Variants in IQCK observed in about 807,000 individuals in gnomAD.
IQCK encodes IQ motif containing K.
Under a neutral mutation model 28.1 loss-of-function variants are expected in IQCK, and 29 were observed. That is an observed-to-expected ratio of 1.03 (90% CI 0.77 to 1.41). The LOEUF is 1.41. IQCK is among the 40% of genes most tolerant of loss of function. IQCK has a pLI of 0.00. For missense variants in IQCK, 359 were observed against 314.7 expected (o/e 1.14, Z -1.07); for synonymous variants, 113 against 115.1 (o/e 0.98, Z 0.12).
At chr16:19,726,840 G>T (rs1977670582) in intron 1 of IQCK, among the ~76,000 whole-genome samples, 1 of 152,098 alleles carries the variant, frequency 6.6e-6, no homozygotes, top group Admixed American at 6.6e-5. Context: ...TATTAGAAAA[G>T]ATAGTCATTA....
intron 6 of IQCK, among the ~76,000 whole-genome samples, chr16:19,783,413 A>G (rs1262831287): frequency 1.3e-5 from 2 of 152,180 alleles, no homozygotes; most frequent in East Asian, 1.9e-4. Context: ...CAGCAGTGCT[A>G]TCGTGCCCGT....
chr16:19,721,460 C>T (rs920794092), intron 1 of IQCK, among the ~76,000 whole-genome samples: 1 of 152,180 alleles, frequency 6.6e-6, no homozygotes, highest in Non-Finnish European at 1.5e-5. Context: ...TTCTAAAAAG[C>T]ACTCGTGTTA....
intron 2 of IQCK, 69 bp downstream of exon 2, chr16:19,730,563 A>C: frequency 8.0e-7 from 1 of 1,252,276 alleles, no homozygotes; most frequent in Non-Finnish European, 1.1e-6. Flanking sequence ...TGGCCTGTGA[A>C]TGTCACACAG....
At chr16:19,819,332 A>C (rs967825387) in intron 7 of IQCK, among the ~76,000 whole-genome samples, 4 of 152,064 alleles carry the variant, frequency 2.6e-5, no homozygotes, top group Non-Finnish European at 5.9e-5. Flanking sequence ...GTCTCTACTA[A>C]AAATACAAAA....
intron 4 of IQCK, among the ~76,000 whole-genome samples, chr16:19,748,072 CTTT>C (rs61573221): frequency 6.0e-5 from 7 of 117,188 alleles, no homozygotes. Context: ...GGCTCAAATT[CTTT>C]TTTTTTTTTT....
chr16:19,746,222 G>A (rs538543397), intron 4 of IQCK, among the ~76,000 whole-genome samples: 23 of 149,468 alleles, frequency 1.5e-4, no homozygotes, highest in African/African-American at 3.5e-4. Context: ...TTGTGGGTAC[G>A]TCGTAGATAT....
At chr16:19,754,937 C>T (rs1346814099) in intron 4 of IQCK, among the ~76,000 whole-genome samples, 1 of 152,160 alleles carries the variant, frequency 6.6e-6, no homozygotes, top group Non-Finnish European at 1.5e-5. Context: ...GTGGCCTGGG[C>T]TGGAGGTCTT....
At chr16:19,811,136 C>G (rs2055900418) in intron 7 of IQCK, among the ~76,000 whole-genome samples, 1 of 152,058 alleles carries the variant, frequency 6.6e-6, no homozygotes, top group South Asian at 2.1e-4. Context: ...ATATAAAAAT[C>G]AGCCAGGTGT....
At chr16:19,826,252 C>T (rs1194360602) in intron 7 of IQCK, among the ~76,000 whole-genome samples, 1 of 152,204 alleles carries the variant, frequency 6.6e-6, no homozygotes, top group Non-Finnish European at 1.5e-5. Context: ...GAGCAATCCT[C>T]CTGCCTTGGC....
At chr16:19,846,209 A>G (rs2056413941) in intron 9 of IQCK, among the ~76,000 whole-genome samples, 1 of 152,186 alleles carries the variant, frequency 6.6e-6, no homozygotes, top group Non-Finnish European at 1.5e-5. Flanking sequence ...TGAGGCTTCC[A>G]AGATGTTGAG....
intron 1 of IQCK, among the ~76,000 whole-genome samples, chr16:19,727,201 ACT>A (rs1421375711): frequency 6.6e-6 from 1 of 152,010 alleles, no homozygotes; most frequent in Non-Finnish European, 1.5e-5. Context: ...TAAGGCAAAA[ACT>A]AATATGAGTT....
intron 9 of IQCK, among the ~76,000 whole-genome samples, chr16:19,838,297 G>A (rs1244361028): frequency 3.3e-5 from 5 of 152,194 alleles, no homozygotes; most frequent in Non-Finnish European, 1.5e-5. Context: ...AAATCCGGAA[G>A]TTTAGAGGGT....
chr16:19,828,845 C>T (rs147374378), downstream of IQCK, among the ~76,000 whole-genome samples: 2,522 of 136,728 alleles, frequency 0.018, 63 homozygotes, highest in African/African-American at 0.065. Context: ...AGCCAGACAC[C>T]GTCTCAAAAA....
At chr16:19,819,244 G>T (rs2056031470) in intron 7 of IQCK, among the ~76,000 whole-genome samples, 1 of 152,184 alleles carries the variant, frequency 6.6e-6, no homozygotes, top group African/African-American at 2.4e-5. Context: ...TGTAATTCCA[G>T]CACTTTGAGA....
At chr16:19,783,940 G>A (rs1417006355) in intron 6 of IQCK, among the ~76,000 whole-genome samples, 1 of 152,126 alleles carries the variant, frequency 6.6e-6, no homozygotes, top group Non-Finnish European at 1.5e-5. Flanking sequence ...TTGCAGTTCT[G>A]TTTTCCTGCT....
intron 9 of IQCK, among the ~76,000 whole-genome samples, chr16:19,845,936 C>T (rs957949617): frequency 4.6e-5 from 7 of 152,048 alleles, no homozygotes; most frequent in South Asian, 4.2e-4. Flanking sequence ...ATTAGCCAGG[C>T]GTGGTGGTGC....
At chr16:19,802,704 T>C (rs190741949) in intron 7 of IQCK, among the ~76,000 whole-genome samples, 27 of 151,908 alleles carry the variant, frequency 1.8e-4, no homozygotes, top group Admixed American at 1.6e-3. Flanking sequence ...TGTTTTCTGC[T>C]CCTATACTTT....
At chr16:19,820,526 G>A (rs1427267542) in intron 7 of IQCK, among the ~76,000 whole-genome samples, 1 of 152,052 alleles carries the variant, frequency 6.6e-6, no homozygotes, top group African/African-American at 2.4e-5. Context: ...GCGGGCGCCT[G>A]TAGTCCCAGC....
chr16:19,850,989 T>C (rs1002391009), intron 9 of IQCK, among the ~76,000 whole-genome samples: 1 of 152,182 alleles, frequency 6.6e-6, no homozygotes, highest in Non-Finnish European at 1.5e-5. Context: ...GCACCACTGC[T>C]TTCCAGCCTG....
Sources: allele counts gnomAD v4.1 joint callset (sites outside exome capture counted in the v4.1 genomes callset), GRCh38; gene constraint gnomAD v4.1.1; transcripts MANE v1.5; gene names NCBI Gene and HGNC (gene_info 2026-07-23, HGNC 2026-07-21).